VWA3A: variants seen among roughly 807,000 people sequenced by gnomAD.
VWA3A encodes von Willebrand factor A domain containing 3A.
A neutral mutation model predicts 160.4 loss-of-function variants in VWA3A; 134 were observed. That is an observed-to-expected ratio of 0.84 (90% CI 0.73 to 0.96). The LOEUF (loss-of-function observed/expected upper bound fraction) is 0.96, where lower values mean the gene tolerates loss of function less well. Among genes scored for constraint, VWA3A ranks in the 40% least tolerant of loss-of-function variants. VWA3A has a pLI of 0.00. For missense variants in VWA3A, 1,310 were observed against 1,447.9 expected (o/e 0.90, Z 1.55); for synonymous variants, 476 against 543.4 (o/e 0.88, Z 1.72).
At chr16:22,119,065 A>G in intron 12 of VWA3A, 38 bp downstream of exon 12, 1 of 1,565,624 alleles carries the variant, frequency 6.4e-7, no homozygotes, top group Non-Finnish European at 8.7e-7. Context: ...GCCTTCTCCC[A>G]GCAGCACTCA....
At chr16:22,141,811 C>CG in intron 24 of VWA3A, 119 bp downstream of exon 24, 1 of 783,106 alleles carries the variant, frequency 1.3e-6, no homozygotes, top group Non-Finnish European at 2.0e-6. Context: ...GCACTGGTGC[C>CG]TCTGGAGCAA....
At chr16:22,099,188 T>A (rs1273340390) in intron 3 of VWA3A, among the ~76,000 whole-genome samples, 2 of 152,024 alleles carry the variant, frequency 1.3e-5, no homozygotes, top group African/African-American at 4.8e-5. Flanking sequence ...AGTGTCCATG[T>A]GATAGAGAGC....
At chr16:22,145,134 A>G (rs1283604808) in intron 26 of VWA3A, among the ~76,000 whole-genome samples, 3 of 152,104 alleles carry the variant, frequency 2.0e-5, no homozygotes, top group African/African-American at 7.2e-5. Flanking sequence ...TAAATTTAGT[A>G]CAGAATGAAA....
intron 21 of VWA3A, among the ~76,000 whole-genome samples, chr16:22,135,326 T>A (rs1030235505): frequency 6.6e-6 from 1 of 152,182 alleles, no homozygotes; most frequent in Non-Finnish European, 1.5e-5. Context: ...CCTCTGTCTT[T>A]ACATGGCTGT....
chr16:22,109,382 G>T, intron 6 of VWA3A, 100 bp from the exon 7 acceptor site: 2 of 958,620 alleles, frequency 2.1e-6, no homozygotes, highest in Non-Finnish European at 3.2e-6. Flanking sequence ...CTTGTTAGGG[G>T]TGAGGAAAGT....
intron 4 of VWA3A, 34 bp downstream of exon 4, chr16:22,100,352 G>A (rs902853548): frequency 2.6e-6 from 4 of 1,551,486 alleles, no homozygotes; most frequent in Non-Finnish European, 3.5e-6. Flanking sequence ...ACCCCCCACA[G>A]CTGCAGTGAC....
In VWA3A at chr16:22,101,035, C is replaced by T. The variant is rs138145174; in HGVS notation, c.428+542C>T. On this transcript the variant is annotated intron_variant, in intron 5 of 33. Coordinates refer to ENST00000389398, the MANE Select transcript of VWA3A (RefSeq NM_173615.5). Reference sequence around the variant, plus strand: ...AGCATGTCTCTTCCCACTTCTAGCCCCAATTTCCCCTTTTCTCAAATAGAA... The same window carrying T: ...AGCATGTCTCTTCCCACTTCTAGCCTCAATTTCCCCTTTTCTCAAATAGAA... Among the ~76,000 whole-genome samples, 407 of 151,648 alleles carry T rather than the reference C, an allele frequency of 2.7e-3. 3 individuals carry two copies. The highest frequency in any genetic ancestry group is 9.4e-3 in the African/African-American group (387 of 41,316).
In VWA3A at chr16:22,123,146, C is replaced by G. The variant is rs1384443133; in HGVS notation, c.1418C>G (p.Pro473Arg). ...GTGAAGAACATTCATGTGGACCCAC[C>G]CTTCCTCTATAAGTACCAGGTCAGT... ...GTVKNIHVDPPFLYKYQQQLS... is the reference protein window; with the variant it reads ...GTVKNIHVDPRFLYKYQQQLS... Residue 473 changes from proline (P) to arginine (R), a missense_variant, in exon 15 of 34, where the codon CCC (proline) becomes CGC (arginine). By Grantham distance (103) the Pro-to-Arg change is moderately radical. Coordinates refer to ENST00000389398, the MANE Select transcript of VWA3A (RefSeq NM_173615.5). The G allele has an allele frequency of 1.6e-5, 25 of 1,604,430 alleles. No individual in the cohort carries two copies. In the South Asian group the frequency reaches 2.7e-4, roughly 17 times the overall value.
intron 30 of VWA3A, 23 bp from the exon 31 acceptor site, chr16:22,152,488 A>G: frequency 6.2e-7 from 1 of 1,611,450 alleles, no homozygotes; most frequent in Non-Finnish European, 8.5e-7. Context: ...CCTTCCCACC[A>G]GCCCTCTGTC....
rs1323798290 is a variant in VWA3A at position 22,156,118 on chromosome 16, A to G, written c.*101A>G. ...TGAAATGCTGTGACCTGCAGGAAAC[A>G]TGATTCCTGGTACCAGGACTCTCTG... On this transcript the variant is annotated 3_prime_UTR_variant, in exon 34 of 34. Coordinates refer to ENST00000389398, the MANE Select transcript of VWA3A (RefSeq NM_173615.5). The G allele has an allele frequency of 1.2e-5, 7 of 603,854 alleles. No individual in the cohort carries two copies. Among genetic ancestry groups the G allele is most frequent in the South Asian group, 8.3e-5 (4 of 48,448 alleles). 37.4% of individuals were successfully genotyped at this position (603,854 alleles called of 1,614,324 possible). A position where few individuals can be genotyped will look rare whatever the true frequency, so the allele number is the denominator to read the frequency against.
At chr16:22,114,607 G>T (rs551248788) in intron 8 of VWA3A, among the ~76,000 whole-genome samples, 7 of 152,256 alleles carry the variant, frequency 4.6e-5, no homozygotes, top group African/African-American at 1.4e-4. Flanking sequence ...TGGGAATAAA[G>T]GTACCACCTC....
At chr16:22,114,372 C>T (rs1021414988) in intron 8 of VWA3A, among the ~76,000 whole-genome samples, 1 of 152,226 alleles carries the variant, frequency 6.6e-6, no homozygotes, top group Non-Finnish European at 1.5e-5. Flanking sequence ...AAAGCTTTCT[C>T]TTAGAGCCTT....
At chr16:22,135,081 A>T (rs1303898086) in intron 21 of VWA3A, among the ~76,000 whole-genome samples, 5 of 152,164 alleles carry the variant, frequency 3.3e-5, no homozygotes, top group African/African-American at 4.8e-5. Context: ...TAATTTTTTT[A>T]AAAAAGGTAT....
At chr16:22,128,137 C>G (rs893925256) in intron 17 of VWA3A, among the ~76,000 whole-genome samples, 2 of 152,116 alleles carry the variant, frequency 1.3e-5, no homozygotes, top group Non-Finnish European at 2.9e-5. Flanking sequence ...TTGTGCATGA[C>G]AGAAATACCA....
intron 18 of VWA3A, 112 bp from the exon 19 acceptor site, chr16:22,131,473 G>T: frequency 6.6e-7 from 1 of 1,516,908 alleles, no homozygotes; most frequent in South Asian, 1.3e-5. Flanking sequence ...TTATGAGAGT[G>T]ATGACATCGA....
intron 6 of VWA3A, among the ~76,000 whole-genome samples, chr16:22,105,087 A>G (rs16972550): frequency 0.15 from 22,360 of 152,052 alleles, 2,566 homozygotes; most frequent in East Asian, 0.61. Flanking sequence ...AGTTGAGTCA[A>G]CAGATGCTTG....
At chr16:22,146,368 G>A in intron 27 of VWA3A, 24 bp downstream of exon 27, 1 of 1,601,428 alleles carries the variant, frequency 6.2e-7, no homozygotes, top group Non-Finnish European at 8.5e-7. Context: ...CTGCCCTGAA[G>A]GGTGGAGGAG....
At chr16:22,131,768 G>A (rs777560263) in intron 19 of VWA3A, 39 bp downstream of exon 19, 37 of 1,585,008 alleles carry the variant, frequency 2.3e-5, no homozygotes, top group African/African-American at 4.0e-5. Context: ...TATCCTTTGC[G>A]ACCTCATCCG....
At chr16:22,134,591 C>T (rs1420891504) in intron 21 of VWA3A, among the ~76,000 whole-genome samples, 153 bp downstream of exon 21, 1 of 152,174 alleles carries the variant, frequency 6.6e-6, no homozygotes, top group Admixed American at 6.5e-5. Context: ...GTCAGCAGGG[C>T]CAGGCTCCCT....
Sources: gnomAD v4.1 joint callset for allele counts (sites outside exome capture counted in the v4.1 genomes callset) on GRCh38, gnomAD v4.1.1 for gene constraint, MANE v1.5 for transcripts, NCBI Gene and HGNC (gene_info 2026-07-23, HGNC 2026-07-21) for gene names.